ODAD2: variants seen among roughly 807,000 people sequenced by gnomAD.
The protein encoded by ODAD2 is outer dynein arm docking complex subunit 2.
Under a neutral mutation model 106.8 loss-of-function variants are expected in ODAD2, and 89 were observed. That is an observed-to-expected ratio of 0.83 (90% CI 0.70 to 0.99). The LOEUF (loss-of-function observed/expected upper bound fraction) is 0.99, where lower values mean the gene tolerates loss of function less well. ODAD2 is among the 50% of genes least tolerant of loss of function. The probability of loss-of-function intolerance (pLI) is 0.00; values close to 1 mark genes in which losing one functional copy is unlikely to be tolerated. For synonymous variants in ODAD2, 404 were observed against 436.2 expected (o/e 0.93, Z 0.92); for missense variants, 1,168 against 1,238.5 (o/e 0.94, Z 0.85).
intron 16 of ODAD2, among the ~76,000 whole-genome samples, chr10:27,926,033 TTCTC>T (rs1209408967): frequency 6.6e-6 from 1 of 151,412 alleles, no homozygotes; most frequent in Non-Finnish European, 1.5e-5. Context: ...AAGTAACACT[TTCTC>T]TAATGTTAGA....
At chr10:27,983,554 C>G (rs978039869) in intron 6 of ODAD2, among the ~76,000 whole-genome samples, 4 of 152,184 alleles carry the variant, frequency 2.6e-5, no homozygotes, top group Non-Finnish European at 5.9e-5. Context: ...CATTTGGAAG[C>G]TGTGTAATGA....
intron 17 of ODAD2, among the ~76,000 whole-genome samples, chr10:27,903,872 G>A (rs1843391515): frequency 6.6e-6 from 1 of 152,106 alleles, no homozygotes; most frequent in Non-Finnish European, 1.5e-5. Flanking sequence ...GTCACACCAA[G>A]ACAAGGGTGT....
At chr10:27,969,898 G>A (rs1050755885) in intron 8 of ODAD2, among the ~76,000 whole-genome samples, 1 of 152,146 alleles carries the variant, frequency 6.6e-6, no homozygotes, top group African/African-American at 2.4e-5. Flanking sequence ...TTGAGCTCAG[G>A]AGTTTGAGAC....
rs180756676 is a variant in ODAD2 at position 27,879,498 on chromosome 10, C to A, written c.2611-16876G>T. 5.6e-3 allele frequency among the ~76,000 whole-genome samples: 851 copies of A among 151,718 alleles called. 8 individuals carry two copies. The highest frequency in any genetic ancestry group is 0.02 in the African/African-American group (823 of 41,408). ...TGTCTTTCCTGCTTATACTCAGTAA[C>A]CCACAGATTAAGAAGAGAAAAGTAA... On this transcript the variant is annotated intron_variant, in intron 17 of 19. Coordinates refer to ENST00000305242, the MANE Select transcript of ODAD2 (RefSeq NM_018076.5).
At chr10:27,974,744 A>C (rs771233084) in intron 7 of ODAD2, among the ~76,000 whole-genome samples, 1 of 145,070 alleles carries the variant, frequency 6.9e-6, no homozygotes, top group Non-Finnish European at 1.5e-5. Context: ...GTTCCATATG[A>C]ATTTTAAAAT....
At position 27,987,455 on chromosome 10, in the gene ODAD2, C is replaced by G. The variant is rs778338789; in HGVS notation, c.313G>C (p.Gly105Arg). The G allele has an allele frequency of 6.2e-7, 1 of 1,613,804 alleles. No individual in the cohort carries two copies. The highest frequency in any genetic ancestry group is 1.1e-5 in the South Asian group (1 of 91,010). ...ATAAGTAACAAGCGTGACAGCTGCC[C>G]AAAGCTCCTAATTTTAATTTGTGGT... ...SVPQIKIRSF[G>R]QLSRLLLIAK... The change falls in exon 3 of 20, where the codon GGG becomes CGG. Residue 105 changes from glycine to arginine, a missense_variant. By Grantham distance (125) the Gly-to-Arg change is moderately radical. Coordinates refer to ENST00000305242, the MANE Select transcript of ODAD2 (RefSeq NM_018076.5).
intron 7 of ODAD2, among the ~76,000 whole-genome samples, chr10:27,973,218 T>C (rs1193326647): frequency 2.0e-5 from 3 of 150,454 alleles, no homozygotes; most frequent in Non-Finnish European, 4.4e-5. Context: ...AAATAATACA[T>C]ACATACATAC....
intron 2 of ODAD2, among the ~76,000 whole-genome samples, chr10:27,988,301 C>T (rs765595294): frequency 1.3e-5 from 2 of 149,872 alleles, no homozygotes; most frequent in Non-Finnish European, 3.0e-5. Flanking sequence ...GAGGCTATAT[C>T]TGATGAAACT....
chr10:27,983,742 G>A, intron 6 of ODAD2, 101 bp downstream of exon 6: 7 of 1,142,024 alleles, frequency 6.1e-6, no homozygotes, highest in Non-Finnish European at 8.7e-6. Context: ...CCCACAGAAT[G>A]GTAATTCATT....
intron 10 of ODAD2, among the ~76,000 whole-genome samples, chr10:27,959,937 T>C (rs1452002862): frequency 2.6e-5 from 4 of 152,018 alleles, no homozygotes; most frequent in Non-Finnish European, 5.9e-5. Context: ...TGCAACAACA[T>C]GTAAAAACAA....
At chr10:27,921,990 A>G (rs1050079277) in intron 16 of ODAD2, among the ~76,000 whole-genome samples, 1 of 151,658 alleles carries the variant, frequency 6.6e-6, no homozygotes, top group Non-Finnish European at 1.5e-5. Flanking sequence ...AACATGGTGA[A>G]ACCCTGTCTC....
At chr10:27,854,476 T>C (rs1177391787) in intron 19 of ODAD2, among the ~76,000 whole-genome samples, 6 of 151,250 alleles carry the variant, frequency 4.0e-5, no homozygotes, top group South Asian at 2.1e-4. Context: ...TGAAAGGAGG[T>C]TGGGCACAGT....
chr10:27,875,914 G>A (rs981738746), intron 17 of ODAD2, among the ~76,000 whole-genome samples: 11 of 152,178 alleles, frequency 7.2e-5, no homozygotes, highest in Non-Finnish European at 1.3e-4. Context: ...CGCCTGGCTC[G>A]GAGGGTCCCA....
At chr10:27,941,604 T>TTTG (rs1554816106) in intron 12 of ODAD2, among the ~76,000 whole-genome samples, 1 of 149,872 alleles carries the variant, frequency 6.7e-6, no homozygotes, top group African/African-American at 2.4e-5. Flanking sequence ...CAGTTTTTTT[T>TTTG]TTTTTTTTTT....
chr10:27,812,424 A>G lies in ODAD2; in HGVS notation c.*88T>C. ...AGATGGTTGAAAGGGTTTGCTAACA[A>G]CTGTTTCCCAATTTAGGCTTTCTGG... On this transcript the variant is annotated 3_prime_UTR_variant, in exon 20 of 20. Transcript: ENST00000305242. 7.1e-6 allele frequency: 9 copies of G among 1,264,126 alleles called. No individual in the cohort carries two copies. The highest frequency in any genetic ancestry group is 1.0e-5 in the Non-Finnish European group (9 of 900,968). The allele number at this position is 1,264,126 out of a possible 1,614,324, so 78.3% of individuals were successfully genotyped here.
chr10:27,824,347 C>T (rs192902699), intron 19 of ODAD2, among the ~76,000 whole-genome samples: 36 of 152,192 alleles, frequency 2.4e-4, no homozygotes, highest in African/African-American at 6.7e-4. Flanking sequence ...GACCTGAGGG[C>T]TCTGCCCTTA....
chr10:27,939,609 A>T (rs1846239050), intron 14 of ODAD2, among the ~76,000 whole-genome samples: 1 of 152,060 alleles, frequency 6.6e-6, no homozygotes, highest in Admixed American at 6.6e-5. Context: ...ATGGTGGTAA[A>T]CACCTGAAGT....
At chr10:27,861,951 G>A (rs1183404906) in intron 18 of ODAD2, among the ~76,000 whole-genome samples, 1 of 152,180 alleles carries the variant, frequency 6.6e-6, no homozygotes, top group East Asian at 1.9e-4. Context: ...TCATGGTGAA[G>A]TCATTGTCTC....
intron 19 of ODAD2, among the ~76,000 whole-genome samples, chr10:27,838,012 C>G (rs1180512533): frequency 6.6e-6 from 1 of 151,896 alleles, no homozygotes; most frequent in Non-Finnish European, 1.5e-5. Context: ...TCCTAAGAAT[C>G]TAAGATTTTT....
Sources: allele counts gnomAD v4.1 joint callset (sites outside exome capture counted in the v4.1 genomes callset), GRCh38; gene constraint gnomAD v4.1.1; transcripts MANE v1.5; gene names NCBI Gene and HGNC (gene_info 2026-07-23, HGNC 2026-07-21).